The following GYS2 variants were observed in gnomAD, a reference collection of about 807,000 sequenced individuals.
GYS2 encodes glycogen [starch] synthase, liver.
A neutral mutation model predicts 85.6 loss-of-function variants in GYS2; 80 were observed. That is an observed-to-expected ratio of 0.93 (90% CI 0.78 to 1.13). The LOEUF is 1.13. Ranked by LOEUF, GYS2 falls within the 50% of genes most tolerant of loss-of-function variation. The probability of loss-of-function intolerance (pLI) is 0.00; values close to 1 mark genes in which losing one functional copy is unlikely to be tolerated. For synonymous variants in GYS2, 328 were observed against 300.7 expected, an observed-to-expected ratio of 1.09 and a Z score of -0.94; for missense variants, 881 against 854.9, an observed-to-expected ratio of 1.03 and a Z score of -0.38.
At chr12:21,554,734 T>A (rs1319731221) in intron 11 of GYS2, among the ~76,000 whole-genome samples, 1 of 152,134 alleles carries the variant, frequency 6.6e-6, no homozygotes, top group African/African-American at 2.4e-5. Flanking sequence ...ATTGTTAGAA[T>A]AACAGATAAG....
intron 11 of GYS2, among the ~76,000 whole-genome samples, chr12:21,552,027 T>G (rs1474957416): frequency 1.3e-5 from 2 of 152,166 alleles, no homozygotes; most frequent in African/African-American, 2.4e-5. Flanking sequence ...GCTCTGGCTC[T>G]AAACCAGCCA....
chr12:21,552,154 C>T (rs1471911924), intron 11 of GYS2, among the ~76,000 whole-genome samples: 1 of 152,056 alleles, frequency 6.6e-6, no homozygotes, highest in Non-Finnish European at 1.5e-5. Flanking sequence ...CACAGCAGAC[C>T]CTACCTAGAT....
intron 11 of GYS2, among the ~76,000 whole-genome samples, chr12:21,552,712 T>C (rs2136862701): frequency 2.0e-5 from 3 of 152,346 alleles, no homozygotes; most frequent in Admixed American, 2.0e-4. Flanking sequence ...AGACAAACTT[T>C]CATCTCCACT....
chr12:21,555,369 C>A (rs569936722), intron 11 of GYS2, among the ~76,000 whole-genome samples: 2 of 152,210 alleles, frequency 1.3e-5, no homozygotes, highest in Admixed American at 1.3e-4. Context: ...TACATTCCTG[C>A]ATTCCCAGGG....
chr12:21,551,315 A>C (rs1944108478), intron 11 of GYS2, among the ~76,000 whole-genome samples: 1 of 151,994 alleles, frequency 6.6e-6, no homozygotes, highest in Admixed American at 6.6e-5. Context: ...GATTACTTTG[A>C]AGAAAAACCC....
At chr12:21,539,934 G>A (rs1437814094) in intron 14 of GYS2, among the ~76,000 whole-genome samples, 2 of 152,202 alleles carry the variant, frequency 1.3e-5, no homozygotes, top group African/African-American at 2.4e-5. Context: ...CCACTGCTAA[G>A]CTGTGTGAGC....
intron 5 of GYS2, among the ~76,000 whole-genome samples, chr12:21,567,004 C>G (rs1944328630): frequency 6.6e-6 from 1 of 151,964 alleles, no homozygotes. Flanking sequence ...AAAGATTATA[C>G]TGGAAAGAAA....
At chr12:21,564,361 G>A (rs1414898064) in intron 5 of GYS2, among the ~76,000 whole-genome samples, 1 of 152,096 alleles carries the variant, frequency 6.6e-6, no homozygotes, top group Non-Finnish European at 1.5e-5. Flanking sequence ...AACCCAGGAG[G>A]TGGAGGTTGC....
chr12:21,561,812 G>A (rs1334714315), intron 7 of GYS2, among the ~76,000 whole-genome samples: 4 of 151,956 alleles, frequency 2.6e-5, no homozygotes, highest in East Asian at 1.9e-4. Flanking sequence ...TTAATAAATC[G>A]CTTGTTTATT....
At position 21,536,975 on chromosome 12, in the gene GYS2, C is replaced by A. The variant is rs1943917212; in HGVS notation, c.2091G>T (p.Leu697=). Residue 697 remains leucine (L), a synonymous_variant, in exon 16 of 16, where the codon CTG becomes CTT. Coordinates refer to ENST00000261195, the MANE Select transcript of GYS2 (RefSeq NM_021957.4). The stretch of plus-strand genomic sequence containing the variant: ...GAATTCAGTTCTTATATTCACCATG[C>A]AGCTTTTTCTTCCCATGAGGAACGT... The part of the protein sequence containing the change: ...LSHVPHGKKK[L]HGEYKN The A allele has an allele frequency of 6.2e-7, 1 of 1,612,852 alleles. No individual in the cohort carries two copies. Among genetic ancestry groups the A allele is most frequent in the Middle Eastern group, 1.7e-4 (1 of 6,046 alleles).
Position 21,574,151 on chromosome 12 carries a change from A to C in GYS2, c.671T>G (p.Leu224Arg). The C allele has an allele frequency of 6.2e-7, 1 of 1,609,668 alleles. No individual in the cohort carries two copies. The highest frequency in any genetic ancestry group is 8.5e-7 in the Non-Finnish European group (1 of 1,175,902). Residue 224 changes from leucine to arginine, a missense_variant, in exon 4 of 16, where the codon CTT becomes CGT. Leu to Arg is a moderately radical substitution (Grantham distance 102, BLOSUM62 -2). Coordinates refer to ENST00000261195, the MANE Select transcript of GYS2 (RefSeq NM_021957.4). ...CAANIDFYNHLDKFNIDKEAG... is the reference protein window; with the variant it reads ...CAANIDFYNHRDKFNIDKEAG... ...GGAGGAAGGAATATTTACCTTATCA[A>C]GATGGTTGTAGAAATCAATATTTGC...
intron 13 of GYS2, among the ~76,000 whole-genome samples, chr12:21,540,840 G>T (rs1297280278): frequency 1.3e-5 from 2 of 152,104 alleles, no homozygotes; most frequent in African/African-American, 4.8e-5. Flanking sequence ...GATCCTCCAT[G>T]GGGTTGCTCA....
At chr12:21,572,740 A>G (rs922422909) in intron 4 of GYS2, among the ~76,000 whole-genome samples, 5 of 152,224 alleles carry the variant, frequency 3.3e-5, no homozygotes, top group African/African-American at 1.2e-4. Flanking sequence ...ATATATAACT[A>G]TATACTATAA....
chr12:21,555,660 C>T (rs1417228999), intron 11 of GYS2, among the ~76,000 whole-genome samples: 2 of 152,160 alleles, frequency 1.3e-5, no homozygotes, highest in African/African-American at 4.8e-5. Flanking sequence ...TGCCAGAACC[C>T]TCATTCCTCA....
intron 1 of GYS2, among the ~76,000 whole-genome samples, chr12:21,582,137 TCAA>T (rs1441081850): frequency 2.0e-5 from 3 of 152,086 alleles, no homozygotes; most frequent in African/African-American, 7.2e-5. Flanking sequence ...TACAAGGAAC[TCAA>T]CAACAAAAAA....
rs767023189 is a variant in GYS2, at chr12:21,575,910, C to T, written c.451G>A (p.Asp151Asn). 8 of 1,613,818 alleles carry T rather than the reference C, an allele frequency of 5.0e-6. No individual in the cohort carries two copies. In the Admixed American group the frequency reaches 1.2e-4, roughly 24 times the overall value. The change falls in exon 3 of 16, where the codon GAT becomes AAT. Residue 151 changes from aspartate (D) to asparagine (N), a missense_variant. Transcript: ENST00000261195. Reference sequence around the variant, plus strand: ...GTTAAAGATCCAAATATCAGCATATCATTGGCTTCTCGGTCATGATAAGGA... The same window carrying T: ...GTTAAAGATCCAAATATCAGCATATTATTGGCTTCTCGGTCATGATAAGGA... ...GIPYHDREANDMLIFGSLTAW... is the reference protein window; with the variant it reads ...GIPYHDREANNMLIFGSLTAW...
At chr12:21,551,663 G>A (rs899943638) in intron 11 of GYS2, among the ~76,000 whole-genome samples, 7 of 152,122 alleles carry the variant, frequency 4.6e-5, no homozygotes, top group African/African-American at 1.7e-4. Context: ...GCAAACCCCA[G>A]TACTTAAGAA....
At chr12:21,545,740 T>C (rs1944030932) in intron 12 of GYS2, among the ~76,000 whole-genome samples, 1 of 151,034 alleles carries the variant, frequency 6.6e-6, no homozygotes, top group African/African-American at 2.4e-5. Context: ...GAAGGAGGAG[T>C]TTCTGAATGG....
At chr12:21,591,112 A>T (rs1226412785) in intron 1 of GYS2, among the ~76,000 whole-genome samples, 1 of 151,996 alleles carries the variant, frequency 6.6e-6, no homozygotes, top group African/African-American at 2.4e-5. Context: ...AAGGAATTTA[A>T]TAATTCTTCA....
Sources: gnomAD v4.1 joint callset for allele counts (sites outside exome capture counted in the v4.1 genomes callset) on GRCh38, gnomAD v4.1.1 for gene constraint, MANE v1.5 for transcripts, NCBI Gene and HGNC (gene_info 2026-07-23, HGNC 2026-07-21) for gene names.